The following DPYD variants were observed in gnomAD, a reference collection of about 807,000 sequenced individuals.
DPYD encodes the protein dihydropyrimidine dehydrogenase [NADP(+)].
DPYD carries 109 observed loss-of-function variants against 116.2 expected under a neutral mutation model. The ratio of observed to expected loss-of-function variants is 0.94; its 90% CI spans 0.80 to 1.10. The LOEUF (loss-of-function observed/expected upper bound fraction) is 1.10. DPYD is among the 50% of genes least tolerant of loss of function. The pLI, the probability that DPYD is intolerant of heterozygous loss-of-function variation, is 0.00. For synonymous variants in DPYD, 440 were observed against 432.0 expected (o/e 1.02, Z -0.23); for missense variants, 1,302 against 1,254.5 (o/e 1.04, Z -0.57).
intron 8 of DPYD, among the ~76,000 whole-genome samples, chr1:97,602,877 T>C (rs1655349201): frequency 6.6e-6 from 1 of 152,022 alleles, no homozygotes; most frequent in Non-Finnish European, 1.5e-5. Flanking sequence ...ATTGAAATTA[T>C]ACTTTAATAT....
At chr1:97,643,975 C>T (rs1245361363) in intron 8 of DPYD, among the ~76,000 whole-genome samples, 1 of 151,938 alleles carries the variant, frequency 6.6e-6, no homozygotes, top group Admixed American at 6.6e-5. Flanking sequence ...GGAGAAATAC[C>T]TAATGTAGAT....
At chr1:97,236,278 G>T (rs1174044926) in intron 18 of DPYD, among the ~76,000 whole-genome samples, 1 of 152,010 alleles carries the variant, frequency 6.6e-6, no homozygotes, top group Admixed American at 6.6e-5. Flanking sequence ...TGAGTTCTTT[G>T]TCATCACCTC....
At chr1:97,617,799 G>A (rs1380504568) in intron 8 of DPYD, among the ~76,000 whole-genome samples, 3 of 152,172 alleles carry the variant, frequency 2.0e-5, no homozygotes, top group Admixed American at 2.0e-4. Flanking sequence ...CCACCCCTCT[G>A]AGTCAGAGAT....
rs562192766 is a variant in DPYD, at chr1:97,451,688, A to T, written c.1741-1465T>A. 5.5e-4 allele frequency among the ~76,000 whole-genome samples: 84 copies of T among 152,114 alleles called. 1 individual carries two copies. The highest frequency in any genetic ancestry group is 1.1e-3 in the Non-Finnish European group (73 of 68,022). ...CAATTTCCATCTTGGCAAACGCTTAAATGTATGTTCTACGTCCCTACAGGT... is the reference window on the plus strand; with the variant it reads ...CAATTTCCATCTTGGCAAACGCTTATATGTATGTTCTACGTCCCTACAGGT... On this transcript the variant is annotated intron_variant, in intron 13 of 22. Coordinates refer to ENST00000370192, the MANE Select transcript of DPYD (RefSeq NM_000110.4).
chr1:97,333,516 G>GTTTTTTTTTTT, intron 16 of DPYD, among the ~76,000 whole-genome samples: 1 of 106,844 alleles, frequency 9.4e-6, no homozygotes, highest in East Asian at 3.2e-4. Flanking sequence ...TAAGTCTTAG[G>GTTTTTTTTTTT]ATTTTTTTTT....
At chr1:97,483,783 G>A (rs1678455656) in intron 13 of DPYD, among the ~76,000 whole-genome samples, 1 of 152,118 alleles carries the variant, frequency 6.6e-6, no homozygotes, top group Non-Finnish European at 1.5e-5. Flanking sequence ...TAGCTAGCTT[G>A]CCTGCCCTTC....
intron 20 of DPYD, among the ~76,000 whole-genome samples, chr1:97,103,366 G>A (rs755922666): frequency 2.0e-5 from 3 of 152,040 alleles, no homozygotes; most frequent in Admixed American, 6.6e-5. Context: ...CTTAATCACC[G>A]ATATAACAGT....
rs1648906179 is a variant in DPYD at position 97,078,038 on chromosome 1, C to T, written c.*938G>A. On this transcript the variant is annotated 3_prime_UTR_variant, in exon 23 of 23. Coordinates refer to ENST00000370192, the MANE Select transcript of DPYD (RefSeq NM_000110.4). ...AATATATTTCTTTTAAACATAAACACTAAAACAGAGAGTAGTCAAACTGAT... is the reference window on the plus strand; with the variant it reads ...AATATATTTCTTTTAAACATAAACATTAAAACAGAGAGTAGTCAAACTGAT... 6.6e-6 allele frequency: 1 copy of T among 151,976 alleles called. No individual in the cohort carries two copies. 9.4% of individuals were successfully genotyped at this position (151,976 alleles called of 1,614,324 possible). A position where few individuals can be genotyped will look rare whatever the true frequency, so the allele number is the denominator to read the frequency against.
intron 18 of DPYD, among the ~76,000 whole-genome samples, chr1:97,291,487 C>T (rs1304629137): frequency 2.0e-5 from 3 of 152,004 alleles, no homozygotes; most frequent in African/African-American, 7.3e-5. Context: ...CACATATACA[C>T]CATGGAATAC....
chr1:97,888,596 G>A (rs1672619248), intron 1 of DPYD, among the ~76,000 whole-genome samples: 1 of 151,448 alleles, frequency 6.6e-6, no homozygotes, highest in African/African-American at 2.4e-5. Flanking sequence ...AGGGCTGAAA[G>A]TCAATAGCAA....
chr1:97,436,778 A>G (rs1675495642), intron 14 of DPYD, among the ~76,000 whole-genome samples: 1 of 151,994 alleles, frequency 6.6e-6, no homozygotes, highest in Non-Finnish European at 1.5e-5. Flanking sequence ...ACTTCATGTT[A>G]ATTCCCATGA....
intron 8 of DPYD, among the ~76,000 whole-genome samples, chr1:97,626,706 G>A (rs534120243): frequency 4.6e-5 from 7 of 151,978 alleles, no homozygotes; most frequent in African/African-American, 1.7e-4. Context: ...TTCCGCATTA[G>A]CCTGACCATT....
intron 16 of DPYD, among the ~76,000 whole-genome samples, chr1:97,335,299 T>TACACACACACACACACAC (rs35371362): frequency 2.9e-5 from 4 of 136,228 alleles, no homozygotes; most frequent in African/African-American, 1.1e-4. Context: ...TGGAGTTAAG[T>TACACACACACACACACAC]ACACACACAC....
chr1:97,080,102 G>T (rs557577640), intron 22 of DPYD, among the ~76,000 whole-genome samples: 1 of 152,140 alleles, frequency 6.6e-6, no homozygotes, highest in East Asian at 1.9e-4. Context: ...CTACGTAGGG[G>T]TGGATCATGG....
At chr1:97,886,140 G>A (rs1278946571) in intron 1 of DPYD, among the ~76,000 whole-genome samples, 2 of 152,184 alleles carry the variant, frequency 1.3e-5, no homozygotes, top group South Asian at 2.1e-4. Context: ...AAGGAGTGAA[G>A]GTCTATGGCA....
intron 18 of DPYD, among the ~76,000 whole-genome samples, chr1:97,260,456 G>A (rs140033500): frequency 1.5e-3 from 231 of 152,068 alleles, no homozygotes; most frequent in African/African-American, 5.4e-3. Context: ...GAGGTGTGAT[G>A]GCTGTAGGTC....
chr1:97,275,272 A>G (rs1409775977), intron 18 of DPYD, among the ~76,000 whole-genome samples: 1 of 152,176 alleles, frequency 6.6e-6, no homozygotes, highest in Non-Finnish European at 1.5e-5. Flanking sequence ...TTAAAATGTT[A>G]TCTCTCCCAC....
intron 5 of DPYD, among the ~76,000 whole-genome samples, chr1:97,706,216 A>G (rs573529021): frequency 6.6e-6 from 1 of 152,172 alleles, no homozygotes; most frequent in African/African-American, 2.4e-5. Context: ...GGTTATTATA[A>G]TTAATAAATT....
rs541488194 is a variant in DPYD at position 97,867,432 on chromosome 1, G to A, written c.150+15832C>T. 2.6e-5 allele frequency among the ~76,000 whole-genome samples: 4 copies of A among 151,918 alleles called. No homozygotes were observed. The East Asian group carries it at 5.8e-4, about 22-fold the overall frequency. The stretch of plus-strand genomic sequence containing the variant: ...AAATGAAGGAAAGATTTGAGTTGTA[G>A]AAGCCTTTAGGTAAATGAAAAAGCA... On this transcript the variant is annotated intron_variant, in intron 2 of 22. Coordinates refer to ENST00000370192, the MANE Select transcript of DPYD (RefSeq NM_000110.4).
Sources: gnomAD v4.1 joint callset for allele counts (sites outside exome capture counted in the v4.1 genomes callset) on GRCh38, gnomAD v4.1.1 for gene constraint, MANE v1.5 for transcripts, NCBI Gene and HGNC (gene_info 2026-07-23, HGNC 2026-07-21) for gene names.